The following STAU1 variants were observed in gnomAD, a reference collection of about 807,000 sequenced individuals.
STAU1 encodes staufen double-stranded RNA binding protein 1, also known as double-stranded RNA-binding protein Staufen homolog 1.
STAU1 carries 13 observed loss-of-function variants against 62.9 expected under a neutral mutation model. The observed-to-expected ratio is 0.21, with a 90% confidence interval of 0.13 to 0.33. The LOEUF (loss-of-function observed/expected upper bound fraction) is 0.33. Ranked by LOEUF, STAU1 falls within the 10% of genes least tolerant of loss-of-function variation. The pLI is 1.00. For synonymous variants in STAU1, 269 were observed against 265.1 expected, an observed-to-expected ratio of 1.01 and a Z score of -0.14; for missense variants, 571 against 712.1, an observed-to-expected ratio of 0.80 and a Z score of 2.25.
chr20:49,159,292 T>C (rs991922631), intron 3 of STAU1: 1 of 283,638 alleles, frequency 3.5e-6, no homozygotes, highest in Admixed American at 6.2e-5. Context: ...ACCAAAAGTA[T>C]ACCACATCTC....
intron 3 of STAU1, chr20:49,159,103 C>A: frequency 8.9e-7 from 1 of 1,125,878 alleles, no homozygotes. Context: ...ATCCCTGGGT[C>A]ATCTTGGTGA....
chr20:49,154,278 A>C (rs2093319742), intron 3 of STAU1, among the ~76,000 whole-genome samples: 1 of 152,198 alleles, frequency 6.6e-6, no homozygotes, highest in South Asian at 2.1e-4. Flanking sequence ...ACAGCACAAA[A>C]TCTACTCTGA....
chr20:49,175,796 G>GT (rs200079574), intron 1 of STAU1, among the ~76,000 whole-genome samples: 38 of 26,878 alleles, frequency 1.4e-3, no homozygotes, highest in Non-Finnish European at 2.2e-3. Flanking sequence ...ACCTCATAAT[G>GT]CCTTTTTTTT....
intron 3 of STAU1, among the ~76,000 whole-genome samples, chr20:49,155,030 G>A (rs927581679): frequency 5.9e-5 from 9 of 152,060 alleles, no homozygotes; most frequent in African/African-American, 2.2e-4. Context: ...AGGTTGCAGT[G>A]AGTCGAGATT....
chr20:49,115,702 T>A, intron 13 of STAU1, 80 bp downstream of exon 13: 1 of 1,227,078 alleles, frequency 8.1e-7, no homozygotes, highest in Non-Finnish European at 1.2e-6. Flanking sequence ...CCCCGCTGAG[T>A]CAGCAGATAG....
At position 49,151,590 on chromosome 20, in the gene STAU1, T is replaced by C; in HGVS notation, c.502A>G (p.Arg168Gly). ...RILQNEPLPE[R>G]LEVNGRESEE... ...TGGGCTCAACTCCTCACCTCCAGCC[T>C]CTCTGGCAGGGGCTCATTCTGCAGG... The change falls in exon 5 of 14, where the codon AGG (arginine) becomes GGG (glycine). Residue 168 changes from arginine (R) to glycine (G), a missense_variant. This residue lies in a region of STAU1 where 414 missense variants were observed against 499.6 expected (regional missense o/e 0.83). Coordinates refer to ENST00000371856, the MANE Select transcript of STAU1 (RefSeq NM_017453.4). 1.9e-6 allele frequency: 3 copies of C among 1,605,670 alleles called. No individual in the cohort carries two copies. The highest frequency in any genetic ancestry group is 1.3e-5 in the African/African-American group (1 of 74,536).
chr20:49,154,160 A>G, intron 3 of STAU1, 89 bp from the exon 4 acceptor site: 1 of 1,353,282 alleles, frequency 7.4e-7, no homozygotes, highest in Non-Finnish European at 1.0e-6. Flanking sequence ...CTTTCTGCTA[A>G]TTGGATTCAT....
At chr20:49,161,541 A>G (rs2093448491) in intron 3 of STAU1, among the ~76,000 whole-genome samples, 1 of 152,224 alleles carries the variant, frequency 6.6e-6, no homozygotes, top group Admixed American at 6.5e-5. Context: ...TAAATGCACA[A>G]GCAGTATGGA....
chr20:49,183,684 T>C (rs1344097017), intron 1 of STAU1, among the ~76,000 whole-genome samples: 3 of 152,182 alleles, frequency 2.0e-5, no homozygotes, highest in Admixed American at 2.0e-4. Context: ...TGATCTGGAC[T>C]TTAGAATGGG....
chr20:49,146,583 T>A (rs1161244226), intron 5 of STAU1, among the ~76,000 whole-genome samples: 1 of 151,204 alleles, frequency 6.6e-6, no homozygotes, highest in Non-Finnish European at 1.5e-5. Flanking sequence ...GAATCTATAG[T>A]CCCAGCTACT....
Position 49,129,057 on chromosome 20 carries a change from T to C in STAU1, c.610-4470A>G, listed in dbSNP as rs866936708. 2.6e-5 allele frequency among the ~76,000 whole-genome samples: 4 copies of C among 151,664 alleles called. 1 individual carries two copies. The South Asian group carries it at 8.3e-4, about 31-fold the overall frequency. ...AGAGAAAATATCTGCAAAATACTTA[T>C]CTGAGAAAAAACTTGAATTCAGAAT... On this transcript the variant is annotated intron_variant, in intron 6 of 13. Transcript: ENST00000371856.
intron 1 of STAU1, among the ~76,000 whole-genome samples, chr20:49,180,332 T>TTC (rs1555873834): frequency 0.24 from 35,094 of 146,558 alleles, 4,121 homozygotes; most frequent in Middle Eastern, 0.35. Context: ...TTTTTTTTTT[T>TTC]CCCCCCCTGG....
the STAU1 span, among the ~76,000 whole-genome samples, chr20:49,216,045 G>GA: frequency 9.9e-5 from 11 of 110,838 alleles, no homozygotes; most frequent in Non-Finnish European, 2.0e-4. Context: ...AGAAGAAGAA[G>GA]AAGAAAAAAA....
At chr20:49,148,133 C>T (rs573055501) in intron 5 of STAU1, among the ~76,000 whole-genome samples, 1 of 152,310 alleles carries the variant, frequency 6.6e-6, no homozygotes, top group African/African-American at 2.4e-5. Flanking sequence ...AAGGGCAGCA[C>T]ATTTACGAAA....
At chr20:49,120,672 AT>A (rs1376467645) in intron 8 of STAU1, among the ~76,000 whole-genome samples, 2 of 152,238 alleles carry the variant, frequency 1.3e-5, no homozygotes, top group African/African-American at 2.4e-5. Flanking sequence ...CAGCCATTAC[AT>A]TGTAACTAGC....
chr20:49,140,726 T>C (rs183782364), intron 5 of STAU1, among the ~76,000 whole-genome samples: 3 of 152,296 alleles, frequency 2.0e-5, no homozygotes, highest in African/African-American at 4.8e-5. Context: ...GTAGTGACAG[T>C]TGTGCAAAAC....
chr20:49,148,994 T>C (rs1232100497), intron 5 of STAU1, among the ~76,000 whole-genome samples: 1 of 152,080 alleles, frequency 6.6e-6, no homozygotes, highest in African/African-American at 2.4e-5. Flanking sequence ...CTCATGCCCA[T>C]AATCCCAGCA....
chr20:49,136,075 C>T, intron 5 of STAU1, 144 bp from the exon 6 acceptor site: 1 of 614,946 alleles, frequency 1.6e-6, no homozygotes, highest in South Asian at 2.1e-5. Context: ...GCCTGAGCAA[C>T]ATGGCAGTTT....
intron 1 of STAU1, among the ~76,000 whole-genome samples, chr20:49,178,032 C>T (rs1466014995): frequency 6.6e-6 from 1 of 151,988 alleles, no homozygotes; most frequent in Non-Finnish European, 1.5e-5. Flanking sequence ...TTAAAACTAG[C>T]TAGGCATGAT....
Sources: gnomAD v4.1 joint callset for allele counts (sites outside exome capture counted in the v4.1 genomes callset) on GRCh38, gnomAD v4.1.1 for gene constraint, gnomAD v4.1.1 regional missense constraint, MANE v1.5 for transcripts, NCBI Gene and HGNC (gene_info 2026-07-23, HGNC 2026-07-21) for gene names.